NUSAP1: variants seen among roughly 807,000 people sequenced by gnomAD.
The protein encoded by NUSAP1 is nucleolar and spindle-associated protein 1.
Under a neutral mutation model 52.8 loss-of-function variants are expected in NUSAP1, and 32 were observed. The observed-to-expected ratio is 0.61, with a 90% CI of 0.46 to 0.81. The LOEUF (loss-of-function observed/expected upper bound fraction) is 0.81. Among genes scored for constraint, NUSAP1 ranks in the 40% least tolerant of loss-of-function variants. The pLI, the probability that NUSAP1 is intolerant of heterozygous loss-of-function variation, is 0.00. For missense variants in NUSAP1, 499 were observed against 522.3 expected, an observed-to-expected ratio of 0.96 and a Z score of 0.43; for synonymous variants, 195 against 183.1, an observed-to-expected ratio of 1.06 and a Z score of -0.52.
intron 1 of NUSAP1, among the ~76,000 whole-genome samples, chr15:41,340,852 A>C (rs1371100560): frequency 2.0e-5 from 3 of 152,142 alleles, no homozygotes; most frequent in Non-Finnish European, 4.4e-5. Flanking sequence ...TGGATTGGAG[A>C]CTGTGGCTTA....
chr15:41,344,664 G>GGC (rs2048494207), intron 2 of NUSAP1, among the ~76,000 whole-genome samples: 1 of 151,860 alleles, frequency 6.6e-6, no homozygotes, highest in South Asian at 2.1e-4. Context: ...AACCAGGCTG[G>GGC]GCACAGTGGC....
At chr15:41,363,283 C>CT in intron 6 of NUSAP1, among the ~76,000 whole-genome samples, 1 of 132,728 alleles carries the variant, frequency 7.5e-6, no homozygotes, top group East Asian at 2.2e-4. Context: ...AAGTCTCCAT[C>CT]TAAAAAAAAA....
chr15:41,380,264 C>T lies in NUSAP1; in HGVS notation c.*78C>T, dbSNP rs1343434612. 19 of 920,716 alleles carry T rather than the reference C, an allele frequency of 2.1e-5. No homozygotes were observed. Among genetic ancestry groups the T allele is most frequent in the Non-Finnish European group, 1.7e-6 (1 of 595,212 alleles). The allele number at this position is 920,716 out of a possible 1,614,324, so 57.0% of individuals were successfully genotyped here. ...GTAAATTTTTTTTTTTTGCTGTCATCCCCACTTTAGTCACGAGATCTTTTT... is the reference window on the plus strand; with the variant it reads ...GTAAATTTTTTTTTTTTGCTGTCATTCCCACTTTAGTCACGAGATCTTTTT... On this transcript the variant is annotated 3_prime_UTR_variant, in exon 11 of 11. Transcript: ENST00000559596.
In NUSAP1 at chr15:41,333,019, C is replaced by A. The variant is rs373926118; in HGVS notation, c.62C>A (p.Ala21Asp). 1 of 1,611,686 alleles carries A rather than the reference C, an allele frequency of 6.2e-7. No homozygotes were observed. Among genetic ancestry groups the A allele is most frequent in the Non-Finnish European group, 8.5e-7 (1 of 1,178,938 alleles). Residue 21 changes from alanine to aspartate, a missense_variant, in exon 1 of 11, where the codon GCC (alanine) becomes GAC (aspartate). By Grantham distance (126) the Ala-to-Asp change is moderately radical. Transcript: ENST00000559596. Reference sequence around the variant, plus strand: ...AAGTACAGTGACCTGCAGAACTTAGCCAAGAGTCTGGGTCTCCGGGCCAAC... The same window carrying A: ...AAGTACAGTGACCTGCAGAACTTAGACAAGAGTCTGGGTCTCCGGGCCAAC... ...SLKYSDLQNLAKSLGLRANLR... is the reference protein window; with the variant it reads ...SLKYSDLQNLDKSLGLRANLR...
intron 2 of NUSAP1, among the ~76,000 whole-genome samples, chr15:41,348,245 A>G (rs1567047655): frequency 1.3e-5 from 2 of 152,170 alleles, no homozygotes; most frequent in African/African-American, 4.8e-5. Context: ...CGCCTGGCTA[A>G]TTTTTGTATT....
rs576397241 is a variant in NUSAP1, at chr15:41,362,958, G to A, written c.661-2444G>A. 2.3e-4 allele frequency among the ~76,000 whole-genome samples: 35 copies of A among 152,080 alleles called. No homozygotes were observed. The East Asian group carries it at 3.7e-3, about 16-fold the overall frequency. On this transcript the variant is annotated intron_variant, in intron 6 of 10. Coordinates refer to ENST00000559596, the MANE Select transcript of NUSAP1 (RefSeq NM_016359.5). ...ACTGTCCTCCAGGCTCAGTGACAGTGAGACCCTGTCTCAAAAAAATGTATA... is the reference window on the plus strand; with the variant it reads ...ACTGTCCTCCAGGCTCAGTGACAGTAAGACCCTGTCTCAAAAAAATGTATA...
intron 2 of NUSAP1, among the ~76,000 whole-genome samples, chr15:41,346,254 T>C (rs1328132590): frequency 2.0e-5 from 3 of 152,018 alleles, no homozygotes; most frequent in Non-Finnish European, 2.9e-5. Flanking sequence ...CCTTCTATTC[T>C]TTAAGCTTTA....
At chr15:41,375,072 C>T (rs555665429) in intron 8 of NUSAP1, among the ~76,000 whole-genome samples, 6 of 150,970 alleles carry the variant, frequency 4.0e-5, no homozygotes, top group Admixed American at 2.0e-4. Flanking sequence ...TGCAGTGGCA[C>T]GATGTTGGCT....
chr15:41,365,322 A>T (rs1400046755), intron 6 of NUSAP1, 80 bp from the exon 7 acceptor site: 3 of 1,210,428 alleles, frequency 2.5e-6, no homozygotes, highest in South Asian at 1.6e-5. Context: ...ACGCCCGGCT[A>T]ATTTTTGTAT....
chr15:41,365,513 C>T lies in NUSAP1; in HGVS notation c.772C>T (p.Pro258Ser). The T allele has an allele frequency of 1.9e-6, 3 of 1,612,680 alleles. No individual in the cohort carries two copies. Among genetic ancestry groups the T allele is most frequent in the East Asian group, 2.2e-5 (1 of 44,846 alleles). ...QRRSQGRSCG[P>S]ASQSTLGLKG... is the part of the protein sequence containing the mutation. ...ACGCTCGCAAGGCCGGTCTTGTGGCCCTGCAAGTCAGAGTACCTTGGGTCT... is the reference window on the plus strand; with the variant it reads ...ACGCTCGCAAGGCCGGTCTTGTGGCTCTGCAAGTCAGAGTACCTTGGGTCT... Residue 258 changes from proline (P) to serine (S), a missense_variant, in exon 7 of 11, where the codon CCT (proline) becomes TCT (serine). Coordinates refer to ENST00000559596, the MANE Select transcript of NUSAP1 (RefSeq NM_016359.5).
At chr15:41,377,109 GC>G in intron 9 of NUSAP1, 86 bp from the exon 10 acceptor site, 1 of 691,958 alleles carries the variant, frequency 1.4e-6, no homozygotes, top group Non-Finnish European at 2.5e-6. Flanking sequence ...AATGTTGATA[GC>G]AGGTAACCCC....
chr15:41,349,766 C>CTTTTTTTTTTTTT (rs1181209511), intron 3 of NUSAP1, among the ~76,000 whole-genome samples: 14 of 123,536 alleles, frequency 1.1e-4, no homozygotes, highest in Non-Finnish European at 1.5e-4. Flanking sequence ...TTTTTCTTTT[C>CTTTTTTTTTTTTT]TTTTTTTTTT....
intron 4 of NUSAP1, among the ~76,000 whole-genome samples, chr15:41,355,474 A>G (rs1485627945): frequency 6.6e-6 from 1 of 150,498 alleles, no homozygotes; most frequent in Non-Finnish European, 1.5e-5. Flanking sequence ...GCGCCTGACC[A>G]ACTTTCTAAT....
intron 6 of NUSAP1, among the ~76,000 whole-genome samples, chr15:41,361,608 A>G (rs2049182611): frequency 6.6e-6 from 1 of 152,176 alleles, no homozygotes; most frequent in African/African-American, 2.4e-5. Context: ...AATATGGATG[A>G]CATAATTTTC....
intron 4 of NUSAP1, among the ~76,000 whole-genome samples, chr15:41,354,427 C>A (rs2048885711): frequency 6.6e-6 from 1 of 152,018 alleles, no homozygotes; most frequent in Admixed American, 6.6e-5. Flanking sequence ...ATCTCTTGAA[C>A]CCTGGAGGCA....
chr15:41,356,377 CAG>C (rs1437219538), intron 5 of NUSAP1, among the ~76,000 whole-genome samples: 1 of 108,664 alleles, frequency 9.2e-6, no homozygotes, highest in Non-Finnish European at 1.8e-5. Context: ...TTTTTTGAGA[CAG>C]AGTCTTGCTC....
At chr15:41,337,806 T>G (rs772421809) in intron 1 of NUSAP1, among the ~76,000 whole-genome samples, 8 of 152,148 alleles carry the variant, frequency 5.3e-5, no homozygotes, top group Non-Finnish European at 1.2e-4. Flanking sequence ...CCTTGGTTGG[T>G]TCTTCATCTG....
At position 41,377,357 on chromosome 15, in the gene NUSAP1, C is replaced by T. The variant is rs1011287481; in HGVS notation, c.1232+53C>T. The T allele has an allele frequency of 7.2e-6, 7 of 967,518 alleles. No homozygotes were observed. In the African/African-American group the frequency reaches 8.4e-5, roughly 12 times the overall value. 59.9% of individuals were successfully genotyped at this position (967,518 alleles called of 1,614,324 possible). ...ATTATTTTAATTTCAAAAGCAGCAC[C>T]TCTGAGGGATAGGGGCTCAGTAATA... On this transcript the variant is annotated intron_variant, in intron 10 of 10. Coordinates refer to ENST00000559596, the MANE Select transcript of NUSAP1 (RefSeq NM_016359.5).
intron 6 of NUSAP1, among the ~76,000 whole-genome samples, chr15:41,364,910 G>T (rs1001288004): frequency 2.6e-5 from 4 of 151,590 alleles, no homozygotes; most frequent in African/African-American, 4.8e-5. Context: ...GTCCATAGCA[G>T]CCGGGAAAGG....
Sources: gnomAD v4.1 joint callset for allele counts (sites outside exome capture counted in the v4.1 genomes callset) on GRCh38, gnomAD v4.1.1 for gene constraint, MANE v1.5 for transcripts, NCBI Gene and HGNC (gene_info 2026-07-23, HGNC 2026-07-21) for gene names.